The following GIGYF2 variants were observed in gnomAD, a reference collection of about 807,000 sequenced individuals.
GIGYF2 encodes the protein GRB10 interacting GYF protein 2.
Under a neutral mutation model 208.1 loss-of-function variants are expected in GIGYF2, and 25 were observed. That is an observed-to-expected ratio of 0.12 (90% confidence interval 0.09 to 0.17). The LOEUF is 0.17. Ranked by LOEUF, GIGYF2 falls within the 10% of genes least tolerant of loss-of-function variation. GIGYF2 has a pLI of 1.00. For missense variants in GIGYF2, 1,302 were observed against 1,579.4 expected (o/e 0.82, Z 2.98); for synonymous variants, 534 against 543.8 (o/e 0.98, Z 0.25).
At chr2:232,798,651 A>G (rs1391221929) in intron 14 of GIGYF2, among the ~76,000 whole-genome samples, 1 of 152,162 alleles carries the variant, frequency 6.6e-6, no homozygotes, top group Non-Finnish European at 1.5e-5. Context: ...AATTTACATT[A>G]CATTTCCCTA....
At chr2:232,791,741 A>G (rs1214273067) in intron 12 of GIGYF2, among the ~76,000 whole-genome samples, 1 of 152,146 alleles carries the variant, frequency 6.6e-6, no homozygotes, top group Non-Finnish European at 1.5e-5. Context: ...TAGCCTTTGC[A>G]TTAGTTTGAT....
At chr2:232,798,829 C>T (rs1451747021) in intron 14 of GIGYF2, among the ~76,000 whole-genome samples, 1 of 151,348 alleles carries the variant, frequency 6.6e-6, no homozygotes, top group Admixed American at 6.6e-5. Context: ...TTAAAATACA[C>T]TTAAAATTTA....
intron 3 of GIGYF2, among the ~76,000 whole-genome samples, chr2:232,739,757 C>T (rs1051636248): frequency 6.6e-5 from 10 of 151,874 alleles, no homozygotes; most frequent in Non-Finnish European, 1.2e-4. Context: ...GCTTTGCTAA[C>T]GTTTTGGTTT....
chr2:232,809,870 C>A, intron 16 of GIGYF2, 59 bp downstream of exon 16: 1 of 975,386 alleles, frequency 1.0e-6, no homozygotes, highest in Non-Finnish European at 1.7e-6. Context: ...TAAATAGAAT[C>A]TGCTCTCAAG....
chr2:232,768,260 G>C, intron 8 of GIGYF2: 4 of 1,613,876 alleles, frequency 2.5e-6, no homozygotes, highest in Non-Finnish European at 2.5e-6. Context: ...GGATATCCAG[G>C]TCAGTCCTGT....
chr2:232,760,669 G>GT (rs1698713958), intron 7 of GIGYF2, 78 bp downstream of exon 7: 1 of 855,712 alleles, frequency 1.2e-6, no homozygotes, highest in African/African-American at 1.7e-5. Context: ...GGGGAGAAAT[G>GT]TTTTTGTACA....
At chr2:232,785,587 T>G (rs1699884054) in intron 8 of GIGYF2, among the ~76,000 whole-genome samples, 1 of 152,238 alleles carries the variant, frequency 6.6e-6, no homozygotes, top group Admixed American at 6.5e-5. Flanking sequence ...ATTCTGTTAG[T>G]CCAGCTTATA....
intron 3 of GIGYF2, 65 bp from the exon 4 acceptor site, chr2:232,747,550 G>A (rs1301754446): frequency 1.3e-6 from 2 of 1,563,236 alleles, no homozygotes; most frequent in South Asian, 1.1e-5. Flanking sequence ...TTTTTTGACA[G>A]TGTATAGTAT....
chr2:232,733,844 G>T (rs148830295), intron 2 of GIGYF2, among the ~76,000 whole-genome samples: 10 of 152,234 alleles, frequency 6.6e-5, no homozygotes, highest in South Asian at 2.1e-4. Context: ...ACAATGACAA[G>T]GAAAAGAAGT....
intron 2 of GIGYF2, among the ~76,000 whole-genome samples, chr2:232,703,850 T>C (rs1301480374): frequency 2.0e-5 from 3 of 152,206 alleles, no homozygotes; most frequent in Admixed American, 1.3e-4. Flanking sequence ...GATAGCACTT[T>C]TTTACCAGCT....
intron 1 of GIGYF2, among the ~76,000 whole-genome samples, chr2:232,701,378 G>A (rs1485504682): frequency 6.6e-6 from 1 of 151,292 alleles, no homozygotes; most frequent in Non-Finnish European, 1.5e-5. Flanking sequence ...CTGGGGGTTT[G>A]GGGTTGCAGT....
chr2:232,725,631 T>G (rs1697162498), intron 2 of GIGYF2, among the ~76,000 whole-genome samples: 1 of 152,242 alleles, frequency 6.6e-6, no homozygotes, highest in Non-Finnish European at 1.5e-5. Context: ...TCAACAGATC[T>G]TCAGTGTTAT....
At chr2:232,821,856 G>T (rs886218975) in intron 21 of GIGYF2, among the ~76,000 whole-genome samples, 1 of 151,180 alleles carries the variant, frequency 6.6e-6, no homozygotes, top group African/African-American at 2.4e-5. Context: ...ATGAGGTATG[G>T]GTTGTTCCAG....
chr2:232,697,775 C>T (rs896340407), intron 1 of GIGYF2, among the ~76,000 whole-genome samples: 2 of 152,198 alleles, frequency 1.3e-5, no homozygotes, highest in Admixed American at 6.5e-5. Flanking sequence ...TCGCCTTCCT[C>T]TGCTTGCTTC....
chr2:232,731,937 T>G (rs572152920), intron 2 of GIGYF2, among the ~76,000 whole-genome samples: 9 of 152,366 alleles, frequency 5.9e-5, no homozygotes, highest in Admixed American at 1.3e-4. Flanking sequence ...TATTAAACAG[T>G]GTATCCTTCT....
intron 22 of GIGYF2, among the ~76,000 whole-genome samples, chr2:232,835,690 C>G (rs898664787): frequency 1.3e-5 from 2 of 152,134 alleles, no homozygotes; most frequent in Non-Finnish European, 2.9e-5. Context: ...CCCTCCTCCC[C>G]CCGACCATGT....
intron 23 of GIGYF2, among the ~76,000 whole-genome samples, chr2:232,841,688 T>C (rs1701822325): frequency 6.6e-6 from 1 of 152,116 alleles, no homozygotes; most frequent in Non-Finnish European, 1.5e-5. Context: ...TGCCTCTTAA[T>C]ACACATTTCA....
Position 232,858,830 on chromosome 2 carries a change from CTT to C in GIGYF2, c.*1973_*1974del, listed in dbSNP as rs1690670421. The C allele has an allele frequency of 6.8e-6, 2 of 294,640 alleles. No individual in the cohort carries two copies. Among genetic ancestry groups the C allele is most frequent in the Admixed American group, 9.2e-5 (2 of 21,852 alleles). The allele number at this position is 294,640 out of a possible 1,614,324, so 18.3% of individuals were successfully genotyped here. On this transcript the variant is annotated 3_prime_UTR_variant, in exon 29 of 29. Transcript: ENST00000373563. ...GATGTCGGTAAGTTTGACCAAATATCTTTTCTCTTTTTGACTCTCCCTTTCTG... is the reference window on the plus strand; with the variant it reads ...GATGTCGGTAAGTTTGACCAAATATCTTCTCTTTTTGACTCTCCCTTTCTG...
At chr2:232,812,100 A>G (rs1700750623) in intron 17 of GIGYF2, among the ~76,000 whole-genome samples, 2 of 152,194 alleles carry the variant, frequency 1.3e-5, no homozygotes, top group Non-Finnish European at 2.9e-5. Context: ...ATACGGATAT[A>G]CAGTATCTTT....
Sources: allele counts gnomAD v4.1 joint callset (sites outside exome capture counted in the v4.1 genomes callset), GRCh38; gene constraint gnomAD v4.1.1; transcripts MANE v1.5; gene names NCBI Gene and HGNC (gene_info 2026-07-23, HGNC 2026-07-21).